The following RNF44 variants were observed in gnomAD, a reference collection of about 807,000 sequenced individuals.
RNF44 encodes the protein ring finger protein 44.
RNF44 carries 25 observed loss-of-function variants against 53.6 expected under a neutral mutation model. The ratio of observed to expected loss-of-function variants is 0.47; its 90% confidence interval spans 0.34 to 0.65. The LOEUF (loss-of-function observed/expected upper bound fraction) is 0.65, where lower values mean the gene tolerates loss of function less well. Ranked by LOEUF, RNF44 falls within the 30% of genes least tolerant of loss-of-function variation. RNF44 has a pLI of 0.01. For synonymous variants in RNF44, 282 were observed against 252.2 expected (o/e 1.12, Z -1.12); for missense variants, 581 against 595.5 (o/e 0.98, Z 0.25).
At chr5:176,542,259 C>T (rs903351798), upstream of RNF44, among the ~76,000 whole-genome samples, 10 of 152,190 alleles carry the variant, frequency 6.6e-5, no homozygotes, top group Non-Finnish European at 1.0e-4. Flanking sequence ...CCAGCCTGCC[C>T]TGCCTCTGGT....
chr5:176,529,632 G>C lies in RNF44; in HGVS notation c.1027C>G (p.Leu343Val). 1.9e-6 allele frequency: 3 copies of C among 1,613,876 alleles called. No individual in the cohort carries two copies. Among genetic ancestry groups the C allele is most frequent in the Non-Finnish European group, 2.5e-6 (3 of 1,179,970 alleles). The change falls in exon 9 of 11, where the codon CTG becomes GTG. Residue 343 changes from leucine (L) to valine (V), a missense_variant. This residue lies in a region of RNF44 where 183 missense variants were observed against 198.6 expected (regional missense o/e 0.92). Coordinates refer to ENST00000274811, the MANE Select transcript of RNF44 (RefSeq NM_014901.5). ...TTGGCATCTCCCAGCCGCTCGGCCA[G>C]GTTCAGGAGGGCCTGCATGCGGGCA... ...EMENYEALLNLAERLGDAKPR... is the reference protein window; with the variant it reads ...EMENYEALLNVAERLGDAKPR...
In RNF44 at chr5:176,532,155, C is replaced by T. The variant is rs545172577; in HGVS notation, c.146G>A (p.Arg49Gln). 20 of 1,556,022 alleles carry T rather than the reference C, an allele frequency of 1.3e-5. No homozygotes were observed. The highest frequency in any genetic ancestry group is 4.1e-5 in the African/African-American group (3 of 73,312). Residue 49 changes from arginine to glutamine, a missense_variant, in exon 3 of 11, where the codon CGG (arginine) becomes CAG (glutamine). Around this residue, in one of 3 missense-constraint regions of RNF44, gnomAD observed 387 missense variants for 366.0 expected, o/e 1.06. Coordinates refer to ENST00000274811, the MANE Select transcript of RNF44 (RefSeq NM_014901.5). ...LEGPLASPPA[R>Q]DERLPSQQPP... ...CTGCTGGGAGGGTAAGCGCTCATCC[C>T]GGGCAGGCGGGCTGGCCAGGGGGCC... is the stretch of plus-strand genomic sequence containing the variant.
At position 176,532,476 on chromosome 5, in the gene RNF44, G is replaced by T. The variant is rs755466389; in HGVS notation, c.-4C>A. The T allele has an allele frequency of 3.8e-6, 6 of 1,576,542 alleles. No individual in the cohort carries two copies. The highest frequency in any genetic ancestry group is 2.3e-5 in the South Asian group (2 of 88,290). ...CTGCCAGAGCCCATGGTCGCATCGGGGGGGCAGGGGGGTGGAGGGGCTGGG... is the reference window on the plus strand; with the variant it reads ...CTGCCAGAGCCCATGGTCGCATCGGTGGGGCAGGGGGGTGGAGGGGCTGGG... On this transcript the variant is annotated 5_prime_UTR_variant, in exon 2 of 11. Coordinates refer to ENST00000274811, the MANE Select transcript of RNF44 (RefSeq NM_014901.5).
chr5:176,534,724 C>T (rs1757004506), intron 1 of RNF44, among the ~76,000 whole-genome samples: 1 of 152,196 alleles, frequency 6.6e-6, no homozygotes, highest in South Asian at 2.1e-4. Flanking sequence ...CCATAATAAC[C>T]ATGCTGTTTC....
intron 2 of RNF44, 61 bp from the exon 3 acceptor site, chr5:176,532,254 G>C: frequency 4.0e-6 from 6 of 1,507,316 alleles, no homozygotes; most frequent in Non-Finnish European, 4.4e-6. Context: ...ACAGAGCAGG[G>C]AGAGAAGCCA....
At chr5:176,536,696 G>C (rs1199090922) in intron 1 of RNF44, among the ~76,000 whole-genome samples, 3 of 152,126 alleles carry the variant, frequency 2.0e-5, no homozygotes, top group East Asian at 3.9e-4. Context: ...CGGCCGCAGG[G>C]GGAGGGGGGC....
chr5:176,540,868 GCACAATTTTCC>G (rs1757431435), upstream of RNF44, among the ~76,000 whole-genome samples: 1 of 152,250 alleles, frequency 6.6e-6, no homozygotes, highest in Non-Finnish European at 1.5e-5. Context: ...GGGAAGGGAG[GCACAATTTTCC>G]CAGAATTTTC....
Position 176,531,431 on chromosome 5 carries a change from T to G in RNF44, c.465+32A>C. The G allele has an allele frequency of 6.5e-7, 1 of 1,537,790 alleles. No homozygotes were observed. The highest frequency in any genetic ancestry group is 8.8e-7 in the Non-Finnish European group (1 of 1,141,388). On this transcript the variant is annotated intron_variant, in intron 4 of 10. Coordinates refer to ENST00000274811, the MANE Select transcript of RNF44 (RefSeq NM_014901.5). This position sits in a 1 kb window ranked among gnomAD's most constrained non-coding sequence, Gnocchi z 4.2. Reference sequence around the variant, plus strand: ...CTGGCCTGTGCCTGGGGCTTGCAGCTGGTGGAGGAGGAGCTAGAAACACTC... The same window carrying G: ...CTGGCCTGTGCCTGGGGCTTGCAGCGGGTGGAGGAGGAGCTAGAAACACTC...
intron 10 of RNF44, 24 bp from the exon 11 acceptor site, chr5:176,529,114 G>C: frequency 6.2e-7 from 1 of 1,612,558 alleles, no homozygotes. Flanking sequence ...CACGTCAGGC[G>C]TTGCTCTCAC....
intron 2 of RNF44, 40 bp from the exon 3 acceptor site, chr5:176,532,233 G>T: frequency 1.3e-6 from 2 of 1,489,066 alleles, no homozygotes; most frequent in Non-Finnish European, 8.9e-7. Context: ...ACTGAGGGGG[G>T]CCACTCGTGC....
upstream of RNF44, among the ~76,000 whole-genome samples, chr5:176,541,305 G>T (rs369834765): frequency 1.1e-3 from 165 of 152,294 alleles, no homozygotes; most frequent in African/African-American, 3.9e-3. Context: ...TTACAGATGA[G>T]GTGAGAGGTG....
upstream of RNF44, among the ~76,000 whole-genome samples, chr5:176,539,141 C>G (rs73341038): frequency 2.7e-3 from 415 of 152,310 alleles, 2 homozygotes; most frequent in African/African-American, 9.6e-3. Flanking sequence ...CTGTGCAACA[C>G]AATGACTGAA....
chr5:176,534,183 T>A (rs1756961612), intron 1 of RNF44, among the ~76,000 whole-genome samples: 1 of 152,212 alleles, frequency 6.6e-6, no homozygotes. Flanking sequence ...ATGTGAGAAA[T>A]GTGCACGGAA....
intron 2 of RNF44, 50 bp from the exon 3 acceptor site, chr5:176,532,243 C>T: frequency 6.7e-7 from 1 of 1,498,526 alleles, no homozygotes; most frequent in Non-Finnish European, 8.9e-7. Flanking sequence ...GCCACTCGTG[C>T]ACAGAGCAGG....
chr5:176,543,260 C>A, the RNF44 span, among the ~76,000 whole-genome samples: 1 of 146,942 alleles, frequency 6.8e-6, no homozygotes, highest in Non-Finnish European at 1.5e-5. This position sits in a 1 kb window ranked among gnomAD's most constrained non-coding sequence, Gnocchi z 4.0. Context: ...CCCGGCGTTA[C>A]CTGGGGCCGC....
In RNF44 at chr5:176,528,931, G is replaced by A. The variant is rs1286184802; in HGVS notation, c.*97C>T. 8 of 1,174,370 alleles carry A rather than the reference G, an allele frequency of 6.8e-6. No individual in the cohort carries two copies. The East Asian group carries it at 1.4e-4, about 21-fold the overall frequency. 72.7% of individuals were successfully genotyped at this position (1,174,370 alleles called of 1,614,324 possible). A position where few individuals can be genotyped will look rare whatever the true frequency, so the allele number is the denominator to read the frequency against. On this transcript the variant is annotated 3_prime_UTR_variant, in exon 11 of 11. Transcript: ENST00000274811. ...TGGAAATGCAGGCAGGAGCGAAGGG[G>A]CAGGCCTGGGCCACTCCCTCCCCAT...
chr5:176,528,183 C>T lies in RNF44; in HGVS notation c.*845G>A, dbSNP rs1756209969. 6.6e-6 allele frequency: 1 copy of T among 152,306 alleles called. No homozygotes were observed. Among genetic ancestry groups the T allele is most frequent in the Non-Finnish European group, 1.5e-5 (1 of 68,040 alleles). The allele number at this position is 152,306 out of a possible 1,614,324, so 9.4% of individuals were successfully genotyped here. A position where few individuals can be genotyped will look rare whatever the true frequency, so the allele number is the denominator to read the frequency against. ...TAAACCAAAAGAAAAAAGAAATTGTCTTAAATATCCACATCCCCAAATCCT... is the reference window on the plus strand; with the variant it reads ...TAAACCAAAAGAAAAAAGAAATTGTTTTAAATATCCACATCCCCAAATCCT... On this transcript the variant is annotated 3_prime_UTR_variant, in exon 11 of 11. Transcript: ENST00000274811.
chr5:176,542,789 G>A (rs184484564), upstream of RNF44: 26 of 152,450 alleles, frequency 1.7e-4, no homozygotes, highest in African/African-American at 5.0e-4. Flanking sequence ...GCGCTGAAGT[G>A]CAGCGGTCTG....
chr5:176,541,747 C>T (rs549898521), upstream of RNF44, among the ~76,000 whole-genome samples: 2 of 152,236 alleles, frequency 1.3e-5, no homozygotes, highest in East Asian at 3.9e-4. Context: ...CAGAAAGTAC[C>T]CCATTTCTTT....
Sources: allele counts gnomAD v4.1 joint callset (sites outside exome capture counted in the v4.1 genomes callset), GRCh38; gene constraint gnomAD v4.1.1; regional missense constraint gnomAD v4.1.1; non-coding constraint Gnocchi (gnomAD v3.1); transcripts MANE v1.5; gene names NCBI Gene and HGNC (gene_info 2026-07-23, HGNC 2026-07-21).